Variants in AIG1 observed in about 807,000 individuals in gnomAD.
The protein encoded by AIG1 is androgen-induced gene 1 protein.
A neutral mutation model predicts 31.4 loss-of-function variants in AIG1; 23 were observed. That is an observed-to-expected ratio of 0.73 (90% confidence interval 0.53 to 1.04). AIG1 has a LOEUF of 1.04. Among genes scored for constraint, AIG1 ranks in the 50% least tolerant of loss-of-function variants. The probability of loss-of-function intolerance (pLI) is 0.00; values close to 1 mark genes in which losing one functional copy is unlikely to be tolerated. For synonymous variants in AIG1, 100 were observed against 110.5 expected, an observed-to-expected ratio of 0.90 and a Z score of 0.60; for missense variants, 274 against 295.0, an observed-to-expected ratio of 0.93 and a Z score of 0.52.
Position 143,256,657 on chromosome 6 carries a change from A to T in AIG1, c.400-27453A>T, listed in dbSNP as rs1795395328. The stretch of plus-strand genomic sequence containing the variant: ...GATCTTACTGAAATAAACATATACT[A>T]TCAATATGGCATTTGCCTAATCCAG... On this transcript the variant is annotated intron_variant, in intron 3 of 5. Transcript: ENST00000357847. The surrounding 1 kb of genome is among the most constrained non-coding windows in gnomAD (Gnocchi z 4.6). Among the ~76,000 whole-genome samples the T allele has an allele frequency of 6.6e-6, 1 of 152,252 alleles. No homozygotes were observed.
At chr6:143,230,592 T>C (rs1793367570) in intron 3 of AIG1, among the ~76,000 whole-genome samples, 1 of 150,088 alleles carries the variant, frequency 6.7e-6, no homozygotes, top group Non-Finnish European at 1.5e-5. Context: ...TATTAACTGT[T>C]ATAAATTAAG....
chr6:143,088,730 G>A (rs1779029540), intron 1 of AIG1, among the ~76,000 whole-genome samples: 1 of 152,168 alleles, frequency 6.6e-6, no homozygotes, highest in South Asian at 2.1e-4. Flanking sequence ...GGGTCAGCAT[G>A]CCTTTCAATG....
At chr6:143,094,871 T>G (rs1438658668) in intron 1 of AIG1, among the ~76,000 whole-genome samples, 1 of 152,070 alleles carries the variant, frequency 6.6e-6, no homozygotes, top group African/African-American at 2.4e-5. Context: ...ACAAAAAAGT[T>G]TAGAAAACTG....
intron 1 of AIG1, among the ~76,000 whole-genome samples, chr6:143,072,080 C>G (rs1435930942): frequency 2.0e-5 from 3 of 152,104 alleles, no homozygotes; most frequent in African/African-American, 7.2e-5. Context: ...GTGTGAGCCA[C>G]TATGCCTGGC....
At chr6:143,061,581 G>T in intron 1 of AIG1, 1 of 293,394 alleles carries the variant, frequency 3.4e-6, no homozygotes, top group South Asian at 3.2e-5. Flanking sequence ...ACCTAATAAA[G>T]TTGTCTTCTT....
At position 143,330,019 on chromosome 6, in the gene AIG1, A is replaced by T. The variant is rs915401425; in HGVS notation, c.516-3263A>T. 6.6e-6 allele frequency among the ~76,000 whole-genome samples: 1 copy of T among 151,122 alleles called. No homozygotes were observed. The highest frequency in any genetic ancestry group is 6.6e-5 in the Admixed American group (1 of 15,226). The stretch of plus-strand genomic sequence containing the variant: ...GATTTTGGAGGTTTTTTTTGAGATT[A>T]AAAAAAATTCATAAGTTATTGGCGA... On this transcript the variant is annotated intron_variant, in intron 4 of 5. Coordinates refer to ENST00000357847, the MANE Select transcript of AIG1 (RefSeq NM_016108.4). This position sits in a 1 kb window ranked among gnomAD's most constrained non-coding sequence, Gnocchi z 4.4.
rs374518199 is a variant in AIG1 at position 143,060,891 on chromosome 6, C to G, written c.-35C>G. The G allele has an allele frequency of 2.8e-6, 4 of 1,423,710 alleles. No individual in the cohort carries two copies. Among genetic ancestry groups the G allele is most frequent in the Admixed American group, 2.1e-5 (1 of 47,024 alleles). The allele number at this position is 1,423,710 out of a possible 1,614,324, so 88.2% of individuals were successfully genotyped here. A position where few individuals can be genotyped will look rare whatever the true frequency, so the allele number is the denominator to read the frequency against. On this transcript the variant is annotated 5_prime_UTR_variant, in exon 1 of 6. Coordinates refer to ENST00000357847, the MANE Select transcript of AIG1 (RefSeq NM_016108.4). ...CCGGCGCCTCCCTCACGCCCGCCCT[C>G]CTTGCCGCCCAGCCGGTCCAGGCCT...
intron 4 of AIG1, among the ~76,000 whole-genome samples, chr6:143,319,770 G>A (rs549322710): frequency 2.0e-5 from 3 of 151,390 alleles, no homozygotes; most frequent in African/African-American, 7.3e-5. Context: ...ACATCAAAGA[G>A]GAAACATTAC....
intron 4 of AIG1, among the ~76,000 whole-genome samples, chr6:143,305,983 C>A (rs1013632209): frequency 1.3e-5 from 2 of 151,380 alleles, no homozygotes; most frequent in East Asian, 3.9e-4. Context: ...TATGTAATGG[C>A]CTTCTTTGTC....
intron 3 of AIG1, among the ~76,000 whole-genome samples, chr6:143,176,576 G>T (rs1028160457): frequency 6.6e-6 from 1 of 151,766 alleles, no homozygotes. Flanking sequence ...TTATGTTCCC[G>T]GGGGGGTTAT....
chr6:143,082,054 G>A (rs1291032915), intron 1 of AIG1, among the ~76,000 whole-genome samples: 2 of 152,152 alleles, frequency 1.3e-5, no homozygotes, highest in East Asian at 3.9e-4. Flanking sequence ...GTTTCCTGAT[G>A]TTTGATACGT....
chr6:143,173,741 C>G (rs1787869634), intron 3 of AIG1, among the ~76,000 whole-genome samples: 2 of 152,062 alleles, frequency 1.3e-5, no homozygotes, highest in South Asian at 4.1e-4. Context: ...CCACTGTGGC[C>G]TGAGAGAGTA....
rs543459597 is a variant in AIG1 at position 143,336,970 on chromosome 6, C to T, written c.680-2669C>T. Among the ~76,000 whole-genome samples, 8 of 152,236 alleles carry T rather than the reference C, an allele frequency of 5.3e-5. No individual in the cohort carries two copies. In the South Asian group the frequency reaches 8.3e-4, roughly 16 times the overall value. Reference sequence around the variant, plus strand: ...GGTTCCCAAGCAAGTCTGAAGCTAGCGGGGGAAATTCCATTCCATTTTAAG... The same window carrying T: ...GGTTCCCAAGCAAGTCTGAAGCTAGTGGGGGAAATTCCATTCCATTTTAAG... On this transcript the variant is annotated intron_variant, in intron 5 of 5. Transcript: ENST00000357847.
intron 3 of AIG1, among the ~76,000 whole-genome samples, chr6:143,252,268 T>A (rs1300372244): frequency 1.3e-5 from 2 of 152,156 alleles, no homozygotes. Context: ...TACAGATGTG[T>A]GCCACCACAC....
At chr6:143,336,881 A>C (rs1446953659) in intron 5 of AIG1, among the ~76,000 whole-genome samples, 1 of 152,238 alleles carries the variant, frequency 6.6e-6, no homozygotes, top group Non-Finnish European at 1.5e-5. Flanking sequence ...TGGGACAGGC[A>C]TAGAATATAC....
intron 3 of AIG1, among the ~76,000 whole-genome samples, chr6:143,170,601 G>A (rs1273245662): frequency 8.2e-6 from 1 of 121,792 alleles, no homozygotes; most frequent in Admixed American, 8.0e-5. Context: ...TTTTTTTTTT[G>A]TTGATCTTTT....
rs1797210207 is a variant in AIG1 at position 143,279,687 on chromosome 6, A to C, written c.400-4423A>C. Among the ~76,000 whole-genome samples, 1 of 152,184 alleles carries C rather than the reference A, an allele frequency of 6.6e-6. No individual in the cohort carries two copies. Among genetic ancestry groups the C allele is most frequent in the South Asian group, 2.1e-4 (1 of 4,830 alleles). On this transcript the variant is annotated intron_variant, in intron 3 of 5. Coordinates refer to ENST00000357847, the MANE Select transcript of AIG1 (RefSeq NM_016108.4). The surrounding 1 kb of genome is among the most constrained non-coding windows in gnomAD (Gnocchi z 5.4). Reference sequence around the variant, plus strand: ...CAGTGGAGTCAGTTCACTCCGCTCCATCACGGGGGACCCACCAAGACCCCA... The same window carrying C: ...CAGTGGAGTCAGTTCACTCCGCTCCCTCACGGGGGACCCACCAAGACCCCA...
intron 4 of AIG1, among the ~76,000 whole-genome samples, chr6:143,323,491 C>G (rs967954859): frequency 1.3e-5 from 2 of 152,108 alleles, no homozygotes; most frequent in Non-Finnish European, 2.9e-5. Flanking sequence ...CACTGTATAT[C>G]AAAAATGGAC....
At chr6:143,274,038 C>T (rs1284655952) in intron 3 of AIG1, among the ~76,000 whole-genome samples, 1 of 152,178 alleles carries the variant, frequency 6.6e-6, no homozygotes, top group Non-Finnish European at 1.5e-5. Context: ...CTCTTGCTAC[C>T]TGTGGGATTT....
Sources: allele counts gnomAD v4.1 joint callset (sites outside exome capture counted in the v4.1 genomes callset), GRCh38; gene constraint gnomAD v4.1.1; non-coding constraint Gnocchi (gnomAD v3.1); transcripts MANE v1.5; gene names NCBI Gene and HGNC (gene_info 2026-07-23, HGNC 2026-07-21).